Variants in SETX observed in about 807,000 individuals in gnomAD.
SETX encodes the protein helicase senataxin.
A neutral mutation model predicts 227.2 loss-of-function variants in SETX; 90 were observed. The observed-to-expected ratio is 0.40, with a 90% CI of 0.33 to 0.47. The LOEUF (loss-of-function observed/expected upper bound fraction) is 0.47, where lower values mean the gene tolerates loss of function less well. Among genes scored for constraint, SETX ranks in the 20% least tolerant of loss-of-function variants. SETX has a pLI of 0.91. For synonymous variants in SETX, 1,210 were observed against 1,113.2 expected (o/e 1.09, Z -1.73); for missense variants, 3,052 against 3,181.5 (o/e 0.96, Z 0.98).
chr9:132,311,088 T>C (rs1845626335), intron 11 of SETX, among the ~76,000 whole-genome samples: 1 of 152,106 alleles, frequency 6.6e-6, no homozygotes, highest in Admixed American at 6.6e-5. Context: ...TGCCTCAGCC[T>C]CCCAAGTAGC....
At chr9:132,288,406 C>T (rs1844059425) in intron 16 of SETX, 55 bp from the exon 17 acceptor site, 12 of 1,449,768 alleles carry the variant, frequency 8.3e-6, no homozygotes, top group Non-Finnish European at 6.7e-6. Context: ...AACAAACTCA[C>T]ACACATATAC....
chr9:132,278,011 T>C, intron 21 of SETX, 59 bp downstream of exon 21: 1 of 1,489,462 alleles, frequency 6.7e-7, no homozygotes, highest in South Asian at 1.1e-5. Context: ...AAAATGTCTA[T>C]TCTTCATAAG....
intron 6 of SETX, among the ~76,000 whole-genome samples, chr9:132,335,210 G>A (rs1847527647): frequency 2.6e-5 from 4 of 151,534 alleles, no homozygotes; most frequent in African/African-American, 9.7e-5. Context: ...CTAACATGGT[G>A]AAACCCCGTC....
intron 20 of SETX, among the ~76,000 whole-genome samples, chr9:132,280,533 G>A (rs1344763529): frequency 6.6e-6 from 1 of 152,232 alleles, no homozygotes; most frequent in African/African-American, 2.4e-5. Context: ...ACTCTAACAT[G>A]ATCATGTACC....
rs771289068 is a variant in SETX at position 132,330,119 on chromosome 9, G to A, written c.1479C>T (p.Ala493=). The A allele has an allele frequency of 1.5e-5, 24 of 1,613,386 alleles. No homozygotes were observed. The highest frequency in any genetic ancestry group is 2.7e-5 in the African/African-American group (2 of 74,932). Residue 493 remains alanine (A), a synonymous_variant, in exon 10 of 26, where the codon GCC becomes GCT. Coordinates refer to ENST00000224140, the MANE Select transcript of SETX (RefSeq NM_015046.7). The stretch of plus-strand genomic sequence containing the variant: ...GTGTAAACGCAGTGGTAGGAAGCTT[G>A]GCACATTTGACGACGGCTTCCACCC... ...QQWVEAVVKC[A]KLPTTAFTRS...
chr9:132,297,233 G>A (rs1486059989), intron 13 of SETX, among the ~76,000 whole-genome samples, 179 bp from the exon 14 acceptor site: 3 of 152,120 alleles, frequency 2.0e-5, no homozygotes, highest in Admixed American at 6.5e-5. Flanking sequence ...GTTCACTACT[G>A]GAAAGAAAGC....
chr9:132,276,388 T>C (rs1843162865), intron 22 of SETX, among the ~76,000 whole-genome samples: 1 of 152,160 alleles, frequency 6.6e-6, no homozygotes, highest in Admixed American at 6.5e-5. Context: ...TACTTCCACC[T>C]CTGTATCTTA....
intron 11 of SETX, among the ~76,000 whole-genome samples, chr9:132,302,660 CAAAAAAAAAAAAAAAAAAAGCAAA>C (rs1171996944): frequency 3.0e-5 from 1 of 33,304 alleles, no homozygotes. Flanking sequence ...GACTTTGTCT[CAAAAAAAAAAAAAAAAAAAGCAAA>C]AAAAAAAAAA....
chr9:132,267,908 C>CA (rs1220322273), intron 25 of SETX, among the ~76,000 whole-genome samples: 10 of 152,120 alleles, frequency 6.6e-5, no homozygotes, highest in Non-Finnish European at 1.5e-4. Context: ...CATGAGGTGC[C>CA]AACTTAAGGG....
At chr9:132,314,641 C>T (rs993240555) in intron 10 of SETX, among the ~76,000 whole-genome samples, 1 of 152,152 alleles carries the variant, frequency 6.6e-6, no homozygotes, top group African/African-American at 2.4e-5. Flanking sequence ...CGACAGATAT[C>T]CAGTTAGGCC....
intron 7 of SETX, among the ~76,000 whole-genome samples, chr9:132,333,535 G>C (rs1847400657): frequency 6.7e-6 from 1 of 150,124 alleles, no homozygotes; most frequent in Non-Finnish European, 1.5e-5. Context: ...CAACATTCAA[G>C]TTGCATGAAG....
chr9:132,331,201 C>CT, intron 8 of SETX, 62 bp from the exon 9 acceptor site: 1 of 1,607,066 alleles, frequency 6.2e-7, no homozygotes, highest in Non-Finnish European at 8.5e-7. Context: ...GAAGAAACAC[C>CT]TCTTGTTAAG....
intron 15 of SETX, among the ~76,000 whole-genome samples, chr9:132,295,667 A>T (rs1844625085): frequency 6.6e-6 from 1 of 152,140 alleles, no homozygotes; most frequent in African/African-American, 2.4e-5. Context: ...CTCCTTGAAG[A>T]CTTCACTGAT....
rs79747195 is a variant in SETX at position 132,304,242 on chromosome 9, C to T, written c.5375-3439G>A. Among the ~76,000 whole-genome samples, 1,150 of 152,208 alleles carry T rather than the reference C, an allele frequency of 7.6e-3. 18 individuals carry two copies. The highest frequency in any genetic ancestry group is 0.026 in the African/African-American group (1,084 of 41,518). ...GCATACAGCACAGGGTATTAATGGTCCATGGGGTTTGAACTGGCAGTACTT... is the reference window on the plus strand; with the variant it reads ...GCATACAGCACAGGGTATTAATGGTTCATGGGGTTTGAACTGGCAGTACTT... On this transcript the variant is annotated intron_variant, in intron 11 of 25. Transcript: ENST00000224140.
At position 132,331,438 on chromosome 9, in the gene SETX, C is replaced by T; in HGVS notation, c.849G>A (p.Val283=). 2 of 1,613,480 alleles carry T rather than the reference C, an allele frequency of 1.2e-6. No individual in the cohort carries two copies. Among genetic ancestry groups the T allele is most frequent in the Non-Finnish European group, 1.7e-6 (2 of 1,179,842 alleles). The change falls in exon 8 of 26, where the codon GTG becomes GTA. Residue 283 remains valine (V), a synonymous_variant. Coordinates refer to ENST00000224140, the MANE Select transcript of SETX (RefSeq NM_015046.7). ...AGTGTAACGCTGGCCAGAAAGGATC[C>T]ACACTATCATCTGAAATACAATGGC... is the stretch of plus-strand genomic sequence containing the variant. ...TMEREADDDS[V]DPFWPALHCF...
chr9:132,290,038 A>G (rs1844198122), intron 15 of SETX, among the ~76,000 whole-genome samples: 2 of 151,988 alleles, frequency 1.3e-5, no homozygotes, highest in Non-Finnish European at 2.9e-5. Context: ...GCAAAACCCC[A>G]TTTCTACTAA....
Position 132,326,450 on chromosome 9 carries a change from A to ACCC in SETX, c.5147_5148insGGG (p.Phe1716delinsLeuGly). The stretch of plus-strand genomic sequence containing the variant: ...GACTTGCAGGGGGCCCACACTGACC[A>ACCC]AAGTTCAAAAACATTTCATATTTCC... On this transcript the variant is annotated protein_altering_variant, in exon 10 of 26. Transcript: ENST00000224140. 1 of 1,614,220 alleles carries ACCC rather than the reference A, an allele frequency of 6.2e-7. No individual in the cohort carries two copies.
Position 132,298,266 on chromosome 9 carries a change from CTCT to C in SETX, c.5592_5594del (p.Glu1865del). On this transcript the variant is annotated inframe_deletion, in exon 13 of 26. Coordinates refer to ENST00000224140, the MANE Select transcript of SETX (RefSeq NM_015046.7). ...GTTCGTTTAAATTGGCCGGAAAGTT[CTCT>C]TGAGTCTGGATGGAAAGGTAACACT... The C allele has an allele frequency of 6.2e-7, 1 of 1,614,068 alleles. No homozygotes were observed. Among genetic ancestry groups the C allele is most frequent in the Non-Finnish European group, 8.5e-7 (1 of 1,179,998 alleles).
At chr9:132,340,140 T>C (rs557305364) in intron 5 of SETX, among the ~76,000 whole-genome samples, 31 of 152,298 alleles carry the variant, frequency 2.0e-4, no homozygotes, top group African/African-American at 7.0e-4. Context: ...TTCTGAAGCC[T>C]TTATTTTAAA....
Sources: allele counts gnomAD v4.1 joint callset (sites outside exome capture counted in the v4.1 genomes callset), GRCh38; gene constraint gnomAD v4.1.1; transcripts MANE v1.5; gene names NCBI Gene and HGNC (gene_info 2026-07-23, HGNC 2026-07-21).